MAP3K10: variants seen among roughly 807,000 people sequenced by gnomAD.
MAP3K10 encodes mitogen-activated protein kinase kinase kinase 10.
A neutral mutation model predicts 75.0 loss-of-function variants in MAP3K10; 22 were observed. The observed-to-expected ratio is 0.29, with a 90% CI of 0.21 to 0.42. The LOEUF (loss-of-function observed/expected upper bound fraction) is 0.42, where lower values mean the gene tolerates loss of function less well. Among genes scored for constraint, MAP3K10 ranks in the 10% least tolerant of loss-of-function variants. MAP3K10 has a pLI of 1.00. For synonymous variants in MAP3K10, 599 were observed against 612.9 expected, an observed-to-expected ratio of 0.98 and a Z score of 0.34; for missense variants, 1,165 against 1,379.8, an observed-to-expected ratio of 0.84 and a Z score of 2.47.
intron 1 of MAP3K10, among the ~76,000 whole-genome samples, chr19:40,194,130 G>A (rs764362799): frequency 2.0e-5 from 3 of 152,128 alleles, no homozygotes; most frequent in Admixed American, 6.6e-5. Context: ...GGAGGCCGAC[G>A]TGGGTGCATC....
Position 40,198,548 on chromosome 19 carries a change from G to C in MAP3K10, c.856G>C (p.Val286Leu). The change falls in exon 2 of 10, where the codon GTC (valine) becomes CTC (leucine). Residue 286 changes from valine to leucine, a missense_variant. Transcript: ENST00000253055. This position sits in a 1 kb window ranked among gnomAD's most constrained non-coding sequence, Gnocchi z 4.3. ...CTCCCTCTTCTCCAAAAGCAGTGATGTCTGGAGGTGCTGAAAGGCGCGGCC... is the reference window on the plus strand; with the variant it reads ...CTCCCTCTTCTCCAAAAGCAGTGATCTCTGGAGGTGCTGAAAGGCGCGGCC... Reference protein sequence around the residue: ...RLSLFSKSSDVWSFGVLLWEL... With the variant: ...RLSLFSKSSDLWSFGVLLWEL... The C allele has an allele frequency of 1.9e-6, 3 of 1,610,040 alleles. No individual in the cohort carries two copies. In the South Asian group the frequency reaches 3.3e-5, roughly 18 times the overall value.
intron 9 of MAP3K10, 99 bp from the exon 10 acceptor site, chr19:40,214,871 A>G (rs1177297756): frequency 1.5e-6 from 1 of 652,434 alleles, no homozygotes; most frequent in Admixed American, 2.6e-5. Context: ...GGATTTCTCG[A>G]GAGAAACCAG....
At chr19:40,210,466 C>T (rs1431796868) in intron 6 of MAP3K10, among the ~76,000 whole-genome samples, 9 of 152,114 alleles carry the variant, frequency 5.9e-5, no homozygotes, top group South Asian at 4.1e-4. Context: ...TTTGGGAGAC[C>T]GAGGCAGGTG....
Position 40,198,641 on chromosome 19 carries a change from C to T in MAP3K10, c.863+86C>T. On this transcript the variant is annotated intron_variant, in intron 2 of 9. Coordinates refer to ENST00000253055, the MANE Select transcript of MAP3K10 (RefSeq NM_002446.4). This position sits in a 1 kb window ranked among gnomAD's most constrained non-coding sequence, Gnocchi z 4.3. ...GCAGAGTGGGAGGGAGGGTCTCCTG[C>T]TGAAGCCAGGATCTCAGTCTGACAA... The T allele has an allele frequency of 7.4e-7, 1 of 1,355,474 alleles. No homozygotes were observed. The highest frequency in any genetic ancestry group is 1.0e-6 in the Non-Finnish European group (1 of 998,038). The allele number at this position is 1,355,474 out of a possible 1,614,324, so 84.0% of individuals were successfully genotyped here.
At chr19:40,197,964 T>C (rs1972941390) in intron 1 of MAP3K10, among the ~76,000 whole-genome samples, 1 of 152,172 alleles carries the variant, frequency 6.6e-6, no homozygotes, top group Non-Finnish European at 1.5e-5. Context: ...CCCAAGTGGC[T>C]GGGACTGTAG....
chr19:40,194,609 C>A (rs1444354239), intron 1 of MAP3K10, among the ~76,000 whole-genome samples: 2 of 152,202 alleles, frequency 1.3e-5, no homozygotes, highest in Admixed American at 6.5e-5. Flanking sequence ...ATGGCCAGGG[C>A]TTCCTCCCGG....
rs1411178502 is a variant in MAP3K10, at chr19:40,212,352, C to T, written c.1553-453C>T. Among the ~76,000 whole-genome samples, 3 of 152,200 alleles carry T rather than the reference C, an allele frequency of 2.0e-5. No homozygotes were observed. The highest frequency in any genetic ancestry group is 2.9e-5 in the Non-Finnish European group (2 of 68,046). On this transcript the variant is annotated intron_variant, in intron 6 of 9. Transcript: ENST00000253055. The surrounding 1 kb of genome is among the most constrained non-coding windows in gnomAD (Gnocchi z 4.2). ...CCTCTGTCTGGGCACCTGCTTTGTA[C>T]CAGGCCCAGGAGGTCAGTCCTGCAG... is the stretch of plus-strand genomic sequence containing the variant.
chr19:40,210,161 G>T (rs574616809), intron 6 of MAP3K10, among the ~76,000 whole-genome samples: 1 of 152,176 alleles, frequency 6.6e-6, no homozygotes. Context: ...CAGCTACTCG[G>T]GAGGCTGAGG....
Position 40,212,685 on chromosome 19 carries a change from G to T in MAP3K10, c.1553-120G>T. On this transcript the variant is annotated intron_variant, in intron 6 of 9. Coordinates refer to ENST00000253055, the MANE Select transcript of MAP3K10 (RefSeq NM_002446.4). The surrounding 1 kb of genome is among the most constrained non-coding windows in gnomAD (Gnocchi z 4.2). ...TATAGCAGGGAGGGTCATGACTGGA[G>T]TTCAAAAGAGCCCTTGGACTCCCAG... is the stretch of plus-strand genomic sequence containing the variant. 7.7e-7 allele frequency: 1 copy of T among 1,306,686 alleles called. No individual in the cohort carries two copies. The highest frequency in any genetic ancestry group is 1.0e-6 in the Non-Finnish European group (1 of 953,076). The allele number at this position is 1,306,686 out of a possible 1,614,324, so 80.9% of individuals were successfully genotyped here. A position where few individuals can be genotyped will look rare whatever the true frequency, so the allele number is the denominator to read the frequency against.
chr19:40,201,370 T>A (rs1450622317), intron 2 of MAP3K10, among the ~76,000 whole-genome samples: 1 of 151,536 alleles, frequency 6.6e-6, no homozygotes, highest in Admixed American at 6.6e-5. Context: ...TTTTTTTAAT[T>A]TTTCAGTAGA....
chr19:40,195,358 C>T (rs1304114954), intron 1 of MAP3K10, among the ~76,000 whole-genome samples: 1 of 149,488 alleles, frequency 6.7e-6, no homozygotes, highest in Non-Finnish European at 1.5e-5. Context: ...GGTTTCGATA[C>T]AAACAGGAGA....
chr19:40,191,897 C>T lies in MAP3K10; in HGVS notation c.-135C>T. The T allele has an allele frequency of 1.4e-5, 3 of 220,814 alleles. No individual in the cohort carries two copies. The highest frequency in any genetic ancestry group is 2.4e-5 in the Non-Finnish European group (3 of 127,510). The allele number at this position is 220,814 out of a possible 1,614,324, so 13.7% of individuals were successfully genotyped here. A position where few individuals can be genotyped will look rare whatever the true frequency, so the allele number is the denominator to read the frequency against. ...TTTTTTTTCTTGCTCCTGCGGAGGG[C>T]GCCCCAGCCATGGCCCTCAGGAGCT... On this transcript the variant is annotated 5_prime_UTR_variant, in exon 1 of 10. Coordinates refer to ENST00000253055, the MANE Select transcript of MAP3K10 (RefSeq NM_002446.4).
In MAP3K10 at chr19:40,205,024, C is replaced by T; in HGVS notation, c.1013-97C>T. On this transcript the variant is annotated intron_variant, in intron 3 of 9. Coordinates refer to ENST00000253055, the MANE Select transcript of MAP3K10 (RefSeq NM_002446.4). The surrounding 1 kb of genome is among the most constrained non-coding windows in gnomAD (Gnocchi z 4.3). ...CCATAGCAGCTGTTTGTCTGCCATC[C>T]CCAGAAATTCTGCCTTCCTCTGAGC... The T allele has an allele frequency of 2.7e-6, 3 of 1,117,992 alleles. No homozygotes were observed. Among genetic ancestry groups the T allele is most frequent in the Non-Finnish European group, 4.0e-6 (3 of 750,108 alleles). The allele number at this position is 1,117,992 out of a possible 1,614,324, so 69.3% of individuals were successfully genotyped here. A position where few individuals can be genotyped will look rare whatever the true frequency, so the allele number is the denominator to read the frequency against.
intron 6 of MAP3K10, among the ~76,000 whole-genome samples, chr19:40,210,022 C>CT (rs780314538): frequency 2.0e-5 from 3 of 152,104 alleles, no homozygotes; most frequent in Non-Finnish European, 2.9e-5. Flanking sequence ...AATTCCAGCA[C>CT]TTTGGGAGGC....
At position 40,204,921 on chromosome 19, in the gene MAP3K10, G is replaced by A; in HGVS notation, c.1013-200G>A. 1 of 632,914 alleles carries A rather than the reference G, an allele frequency of 1.6e-6. No homozygotes were observed. Among genetic ancestry groups the A allele is most frequent in the Non-Finnish European group, 2.8e-6 (1 of 363,356 alleles). The allele number at this position is 632,914 out of a possible 1,614,324, so 39.2% of individuals were successfully genotyped here. Reference sequence around the variant, plus strand: ...ACTACCAGCCCCTCCTCGGGGTGCAGGTCCCAGGGTTTCTCTCCCAGCGTT... The same window carrying A: ...ACTACCAGCCCCTCCTCGGGGTGCAAGTCCCAGGGTTTCTCTCCCAGCGTT... On this transcript the variant is annotated intron_variant, in intron 3 of 9. Transcript: ENST00000253055. The surrounding 1 kb of genome is among the most constrained non-coding windows in gnomAD (Gnocchi z 4.3).
chr19:40,213,381 G>A lies in MAP3K10; in HGVS notation c.1838-136G>A. The A allele has an allele frequency of 1.5e-5, 22 of 1,475,390 alleles. 1 individual carries two copies. The South Asian group carries it at 2.8e-4, about 19-fold the overall frequency. 91.4% of individuals were successfully genotyped at this position (1,475,390 alleles called of 1,614,324 possible). A position where few individuals can be genotyped will look rare whatever the true frequency, so the allele number is the denominator to read the frequency against. ...ACCACCCTTCTCTGAGGCTTCTCCT[G>A]GAGACAGATTCAAGAACGATGCTCG... is the stretch of plus-strand genomic sequence containing the variant. On this transcript the variant is annotated intron_variant, in intron 8 of 9. Coordinates refer to ENST00000253055, the MANE Select transcript of MAP3K10 (RefSeq NM_002446.4). This position sits in a 1 kb window ranked among gnomAD's most constrained non-coding sequence, Gnocchi z 5.7.
chr19:40,201,312 A>G (rs972027539), intron 2 of MAP3K10, among the ~76,000 whole-genome samples: 14 of 151,770 alleles, frequency 9.2e-5, no homozygotes, highest in Non-Finnish European at 1.5e-5. Context: ...AGCTGGGACT[A>G]CAGGCACATG....
chr19:40,209,818 C>T (rs1181981975), intron 6 of MAP3K10, among the ~76,000 whole-genome samples: 1 of 152,104 alleles, frequency 6.6e-6, no homozygotes, highest in Non-Finnish European at 1.5e-5. Flanking sequence ...GAATCAACAG[C>T]ATATGTTTAG....
At position 40,214,195 on chromosome 19, in the gene MAP3K10, C is replaced by T. The variant is rs967306506; in HGVS notation, c.2516C>T (p.Pro839Leu). ...GACGGGGCGCTGGGGCAGCGGGGGC[C>T]GCCCGAGCCCGCGGGCCATGGCCCT... ...PSDGALGQRG[P>L]PEPAGHGPGP... is the part of the protein sequence containing the mutation. The change falls in exon 9 of 10, where the codon CCG becomes CTG. Residue 839 changes from proline to leucine, a missense_variant. By Grantham distance (98) the Pro-to-Leu change is moderately conservative. Transcript: ENST00000253055. The T allele has an allele frequency of 3.1e-5, 45 of 1,436,218 alleles. 1 individual carries two copies. Among genetic ancestry groups the T allele is most frequent in the African/African-American group, 1.0e-4 (7 of 66,974 alleles). 89.0% of individuals were successfully genotyped at this position (1,436,218 alleles called of 1,614,324 possible).
Sources: gnomAD v4.1 joint callset for allele counts (sites outside exome capture counted in the v4.1 genomes callset) on GRCh38, gnomAD v4.1.1 for gene constraint, Gnocchi (gnomAD v3.1) non-coding constraint, MANE v1.5 for transcripts, NCBI Gene and HGNC (gene_info 2026-07-23, HGNC 2026-07-21) for gene names.